Variants in ZZEF1 observed in about 807,000 individuals in gnomAD.
The protein encoded by ZZEF1 is zinc finger ZZ-type and EF-hand domain-containing protein 1.
A neutral mutation model predicts 342.8 loss-of-function variants in ZZEF1; 157 were observed. That is an observed-to-expected ratio of 0.46 (90% CI 0.40 to 0.52). The LOEUF (loss-of-function observed/expected upper bound fraction) is 0.52, where lower values mean the gene tolerates loss of function less well. Ranked by LOEUF, ZZEF1 falls within the 20% of genes least tolerant of loss-of-function variation. The probability of loss-of-function intolerance (pLI) is 0.00; values close to 1 mark genes in which losing one functional copy is unlikely to be tolerated. For missense variants in ZZEF1, 3,480 were observed against 3,725.6 expected (o/e 0.93, Z 1.72); for synonymous variants, 1,505 against 1,429.1 (o/e 1.05, Z -1.20).
At chr17:4,047,985 A>G (rs1369635937) in intron 37 of ZZEF1, among the ~76,000 whole-genome samples, 2 of 152,204 alleles carry the variant, frequency 1.3e-5, no homozygotes, top group East Asian at 1.9e-4. Context: ...TTGAATTAAA[A>G]AAAACCCATA....
At chr17:4,021,856 T>C (rs1463929396) in intron 44 of ZZEF1, among the ~76,000 whole-genome samples, 2 of 151,850 alleles carry the variant, frequency 1.3e-5, no homozygotes, top group African/African-American at 2.4e-5. Flanking sequence ...CAACGCAAAA[T>C]GCATAGAAAC....
At chr17:4,010,099 G>A (rs1330544918) in intron 52 of ZZEF1, among the ~76,000 whole-genome samples, 1 of 152,068 alleles carries the variant, frequency 6.6e-6, no homozygotes, top group Non-Finnish European at 1.5e-5. Flanking sequence ...AGAGGTGGGA[G>A]GATCACTTCA....
rs540862464 is a variant in ZZEF1 at position 4,137,340 on chromosome 17, A to G, written c.354+5202T>C. ...AATAATCTCCACTCGGCCAGGTGCG[A>G]TGGCTCATGCCTGTAATCCCAGCAC... On this transcript the variant is annotated intron_variant, in intron 1 of 54. Coordinates refer to ENST00000381638, the MANE Select transcript of ZZEF1 (RefSeq NM_015113.4). Among the ~76,000 whole-genome samples the G allele has an allele frequency of 1.7e-3, 262 of 152,316 alleles. 1 individual carries two copies. Among genetic ancestry groups the G allele is most frequent in the South Asian group, 7.7e-3 (37 of 4,826 alleles).
intron 45 of ZZEF1, 108 bp from the exon 46 acceptor site, chr17:4,019,877 G>A (rs922601754): frequency 1.3e-6 from 1 of 781,708 alleles, no homozygotes. Flanking sequence ...GCTGCCACAG[G>A]TTATAATTGA....
chr17:4,114,603 T>G (rs2058364914), intron 3 of ZZEF1, 133 bp from the exon 4 acceptor site: 12 of 715,664 alleles, frequency 1.7e-5, no homozygotes, highest in Non-Finnish European at 2.3e-5. Context: ...AAAATCTCCT[T>G]CCAGATCCTT....
At chr17:4,128,701 A>C (rs2058615714) in intron 1 of ZZEF1, among the ~76,000 whole-genome samples, 1 of 150,500 alleles carries the variant, frequency 6.6e-6, no homozygotes, top group Admixed American at 6.6e-5. Flanking sequence ...GCTTCAAGTG[A>C]TCTGCCTGCC....
chr17:4,128,691 G>A (rs1424532785), intron 1 of ZZEF1, among the ~76,000 whole-genome samples: 3 of 151,112 alleles, frequency 2.0e-5, no homozygotes, highest in Non-Finnish European at 4.4e-5. Context: ...TGAACTGCTG[G>A]CTTCAAGTGA....
At chr17:4,066,570 G>A (rs1286741409) in intron 27 of ZZEF1, 30 bp from the exon 28 acceptor site, 1 of 1,604,362 alleles carries the variant, frequency 6.2e-7, no homozygotes, top group Non-Finnish European at 8.5e-7. Flanking sequence ...ACATCATTAT[G>A]CTGTCCAGGC....
At chr17:4,086,313 GCGGCAA>G (rs1388568303) in intron 15 of ZZEF1, among the ~76,000 whole-genome samples, 167 bp downstream of exon 15, 22 of 141,282 alleles carry the variant, frequency 1.6e-4, no homozygotes, top group Non-Finnish European at 2.7e-4. Context: ...GATTCCCACA[GCGGCAA>G]TCCCTTTCTG....
At chr17:4,124,689 C>T (rs1257516893) in intron 1 of ZZEF1, among the ~76,000 whole-genome samples, 1 of 151,418 alleles carries the variant, frequency 6.6e-6, no homozygotes, top group Non-Finnish European at 1.5e-5. Flanking sequence ...AACTCCTGAC[C>T]TCAGGTGATC....
At chr17:4,029,380 G>GAA (rs35682213) in intron 42 of ZZEF1, among the ~76,000 whole-genome samples, 1 of 138,096 alleles carries the variant, frequency 7.2e-6, no homozygotes, top group African/African-American at 2.6e-5. Context: ...ACAGAGCAAA[G>GAA]AAAAAAAAAA....
At position 4,017,121 on chromosome 17, in the gene ZZEF1, C is replaced by T. The variant is rs1263554433; in HGVS notation, c.8001+250G>A. 1.6e-5 allele frequency: 8 copies of T among 496,720 alleles called. No individual in the cohort carries two copies. The highest frequency in any genetic ancestry group is 1.5e-4 in the African/African-American group (8 of 51,900). 30.8% of individuals were successfully genotyped at this position (496,720 alleles called of 1,614,324 possible). A position where few individuals can be genotyped will look rare whatever the true frequency, so the allele number is the denominator to read the frequency against. ...TACCGAATGTGCCTCAAGATTTCTG[C>T]ACTTGGAAACTGGGAAGATGGCGAC... On this transcript the variant is annotated intron_variant, in intron 48 of 54. Transcript: ENST00000381638. The surrounding 1 kb of genome is among the most constrained non-coding windows in gnomAD (Gnocchi z 5.1).
chr17:4,078,546 G>A (rs555905975), intron 18 of ZZEF1, among the ~76,000 whole-genome samples: 9 of 152,358 alleles, frequency 5.9e-5, no homozygotes, highest in Non-Finnish European at 7.4e-5. Context: ...TGCTGGGTAG[G>A]AGTAAGTAGA....
At chr17:4,051,708 G>A (rs1402554151) in intron 35 of ZZEF1, among the ~76,000 whole-genome samples, 1 of 150,466 alleles carries the variant, frequency 6.6e-6, no homozygotes, top group Non-Finnish European at 1.5e-5. Context: ...GAGCCACCGA[G>A]CCTGGTCCTG....
chr17:4,019,935 A>C (rs1165131725), intron 45 of ZZEF1, 166 bp from the exon 46 acceptor site: 2 of 535,600 alleles, frequency 3.7e-6, no homozygotes, highest in Non-Finnish European at 6.4e-6. Context: ...TGTAAGCACC[A>C]AAACATGGAC....
Position 4,088,864 on chromosome 17 carries a change from A to G in ZZEF1, c.2055T>C (p.Arg685=), listed in dbSNP as rs1457960534. The part of the protein sequence containing the change: ...KYLMVKFLCT[R]QESAERLGVQ... The stretch of plus-strand genomic sequence containing the variant: ...CTCCCAAGCGCTCTGCTGACTCCTG[A>G]CGGGTGCAGAGGAACTTCACCATCA... The change falls in exon 13 of 55, where the codon CGT becomes CGC. Residue 685 remains arginine (R), a synonymous_variant. Coordinates refer to ENST00000381638, the MANE Select transcript of ZZEF1 (RefSeq NM_015113.4). 6.2e-7 allele frequency: 1 copy of G among 1,614,052 alleles called. No homozygotes were observed. The highest frequency in any genetic ancestry group is 8.5e-7 in the Non-Finnish European group (1 of 1,180,048).
chr17:4,008,445 G>T lies in ZZEF1; in HGVS notation c.8805+438C>A. 2 of 701,164 alleles carry T rather than the reference G, an allele frequency of 2.9e-6. No individual in the cohort carries two copies. Among genetic ancestry groups the T allele is most frequent in the Non-Finnish European group, 3.5e-6 (2 of 569,968 alleles). The allele number at this position is 701,164 out of a possible 1,614,324, so 43.4% of individuals were successfully genotyped here. On this transcript the variant is annotated intron_variant, in intron 54 of 54. Transcript: ENST00000381638. This position sits in a 1 kb window ranked among gnomAD's most constrained non-coding sequence, Gnocchi z 4.2. Reference sequence around the variant, plus strand: ...AATCTCGTTTCTAATGGCACATATGGATATATGCATAATAGACATATCCAA... The same window carrying T: ...AATCTCGTTTCTAATGGCACATATGTATATATGCATAATAGACATATCCAA...
chr17:4,061,621 A>AC (rs971518863), intron 30 of ZZEF1, among the ~76,000 whole-genome samples: 1 of 151,930 alleles, frequency 6.6e-6, no homozygotes, highest in Non-Finnish European at 1.5e-5. Context: ...TTTGATTTTC[A>AC]CCCCCATCTG....
At chr17:4,128,561 G>T (rs1466191717) in intron 1 of ZZEF1, among the ~76,000 whole-genome samples, 2 of 148,850 alleles carry the variant, frequency 1.3e-5, no homozygotes, top group African/African-American at 4.9e-5. Context: ...CCAGGTTCAA[G>T]TGATTCTCCT....
Sources: allele counts gnomAD v4.1 joint callset (sites outside exome capture counted in the v4.1 genomes callset), GRCh38; gene constraint gnomAD v4.1.1; non-coding constraint Gnocchi (gnomAD v3.1); transcripts MANE v1.5; gene names NCBI Gene and HGNC (gene_info 2026-07-23, HGNC 2026-07-21).